The following NMD3 variants were observed in gnomAD, a reference collection of about 807,000 sequenced individuals.
NMD3 encodes NMD3 ribosome export adaptor, also known as 60S ribosomal export protein NMD3.
NMD3 carries 47 observed loss-of-function variants against 73.1 expected under a neutral mutation model. The observed-to-expected ratio is 0.64, with a 90% CI of 0.51 to 0.82. The LOEUF (loss-of-function observed/expected upper bound fraction) is 0.82. Among genes scored for constraint, NMD3 ranks in the 40% least tolerant of loss-of-function variants. The probability of loss-of-function intolerance (pLI) is 0.00; values close to 1 mark genes in which losing one functional copy is unlikely to be tolerated. For synonymous variants in NMD3, 210 were observed against 194.5 expected (o/e 1.08, Z -0.66); for missense variants, 554 against 612.5 (o/e 0.90, Z 1.01).
chr3:161,245,975 C>T lies in NMD3; in HGVS notation c.1018-361C>T, dbSNP rs117774950. Among the ~76,000 whole-genome samples the T allele has an allele frequency of 9.2e-4, 140 of 152,202 alleles. 3 individuals carry two copies. In the East Asian group the frequency reaches 0.026, roughly 28 times the overall value. On this transcript the variant is annotated intron_variant, in intron 11 of 15. Transcript: ENST00000351193. The stretch of plus-strand genomic sequence containing the variant: ...AATACGTTCTTGCTTTAAGATTCCC[C>T]TACCTTTTCAGTTATTTTGTTCACT...
intron 14 of NMD3, among the ~76,000 whole-genome samples, 183 bp from the exon 15 acceptor site, chr3:161,250,073 A>G (rs909494691): frequency 2.0e-5 from 3 of 152,182 alleles, no homozygotes; most frequent in Admixed American, 2.0e-4. Context: ...ATGATTCAAA[A>G]AGTGGCTTTA....
At chr3:161,235,825 A>C (rs1357373559) in intron 7 of NMD3, among the ~76,000 whole-genome samples, 1 of 152,132 alleles carries the variant, frequency 6.6e-6, no homozygotes, top group East Asian at 1.9e-4. Context: ...AATTGAACAA[A>C]TAAAATAAAT....
intron 13 of NMD3, among the ~76,000 whole-genome samples, chr3:161,247,659 C>T (rs1477080464): frequency 6.6e-6 from 1 of 151,494 alleles, no homozygotes; most frequent in East Asian, 1.9e-4. Flanking sequence ...CGTGGTAGTG[C>T]AAGCTTGTAA....
downstream of NMD3, among the ~76,000 whole-genome samples, chr3:161,252,611 C>T (rs1737533559): frequency 6.6e-6 from 1 of 152,254 alleles, no homozygotes; most frequent in Non-Finnish European, 1.5e-5. Flanking sequence ...AGTAAGGTTC[C>T]CATACTCAAG....
chr3:161,225,279 A>T (rs1003878546), intron 3 of NMD3, among the ~76,000 whole-genome samples: 6 of 152,178 alleles, frequency 3.9e-5, no homozygotes, highest in African/African-American at 1.4e-4. Flanking sequence ...GTGTAAATGT[A>T]TTTGAATCTG....
chr3:161,235,235 T>A, intron 7 of NMD3, 23 bp downstream of exon 7: 1 of 1,162,562 alleles, frequency 8.6e-7, no homozygotes, highest in Non-Finnish European at 1.3e-6. Context: ...TCAAAAGCAT[T>A]TGAAATTATG....
Position 161,247,285 on chromosome 3 carries a change from T to C in NMD3, c.1158T>C (p.Asn386=), listed in dbSNP as rs1237648927. 1.8e-5 allele frequency: 29 copies of C among 1,612,046 alleles called. No individual in the cohort carries two copies. Among genetic ancestry groups the C allele is most frequent in the Non-Finnish European group, 2.0e-5 (23 of 1,178,386 alleles). ...TTGATTTGGCCAACTGTAACTTAAA[T>C]GATGAGCATGTCAACAAAATGAACT... The part of the protein sequence containing the change: ...LGFDLANCNL[N]DEHVNKMNSD... Residue 386 remains asparagine (N), a synonymous_variant, in exon 13 of 16, where the codon AAT becomes AAC. Coordinates refer to ENST00000351193, the MANE Select transcript of NMD3 (RefSeq NM_015938.5).
At position 161,238,771 on chromosome 3, in the gene NMD3, G is replaced by A; in HGVS notation, c.698G>A (p.Ser233Asn). 2.5e-6 allele frequency: 4 copies of A among 1,581,194 alleles called. No individual in the cohort carries two copies. Among genetic ancestry groups the A allele is most frequent in the Non-Finnish European group, 3.5e-6 (4 of 1,158,130 alleles). ...SQRLISQDIH[S>N]NTYNYKSTFS... The stretch of plus-strand genomic sequence containing the variant: ...AGACTGATCTCTCAAGATATCCATA[G>A]TAACACATACAATTACAAAAGCACT... Residue 233 changes from serine (S) to asparagine (N), a missense_variant, in exon 9 of 16, where the codon AGT (serine) becomes AAT (asparagine). Coordinates refer to ENST00000351193, the MANE Select transcript of NMD3 (RefSeq NM_015938.5).
chr3:161,236,211 T>C (rs1036506024), intron 7 of NMD3, among the ~76,000 whole-genome samples: 4 of 152,126 alleles, frequency 2.6e-5, no homozygotes, highest in African/African-American at 4.8e-5. Flanking sequence ...TTCTTTTGGG[T>C]ACATACTTAG....
chr3:161,249,451 C>T lies in NMD3; in HGVS notation c.1204-3C>T, dbSNP rs1225035914. On this transcript the variant is annotated splice_polypyrimidine_tract_variant and splice_region_variant and intron_variant, in intron 13 of 15. Transcript: ENST00000351193. Reference sequence around the variant, plus strand: ...TGTAACTTTACAAATATTTATCTTGCAGGTATTAATCAAGAAGAGCTATGA... The same window carrying T: ...TGTAACTTTACAAATATTTATCTTGTAGGTATTAATCAAGAAGAGCTATGA... 3.2e-6 allele frequency: 5 copies of T among 1,570,562 alleles called. No homozygotes were observed. The highest frequency in any genetic ancestry group is 4.3e-6 in the Non-Finnish European group (5 of 1,150,160).
Position 161,250,810 on chromosome 3 carries a change from A to T in NMD3, c.1412A>T (p.Asp471Val). ...GCCATCCCTGTGGAAAGTGACACCG[A>T]TGATGAAGGAGCACCTCGAATTAGT... ...DSAIPVESDT[D>V]DEGAPRISLA... Residue 471 changes from aspartate to valine, a missense_variant, in exon 16 of 16, where the codon GAT (aspartate) becomes GTT (valine). By Grantham distance (152) the Asp-to-Val change is radical (BLOSUM62 -3). Transcript: ENST00000351193. 6.2e-7 allele frequency: 1 copy of T among 1,611,394 alleles called. No homozygotes were observed. The highest frequency in any genetic ancestry group is 8.5e-7 in the Non-Finnish European group (1 of 1,177,832).
At chr3:161,241,306 A>G in intron 10 of NMD3, 143 bp downstream of exon 10, 2 of 535,954 alleles carry the variant, frequency 3.7e-6, no homozygotes, top group South Asian at 2.8e-5. Flanking sequence ...AATACAAAAC[A>G]TTGTGGAATT....
chr3:161,248,160 A>G (rs1489697670), intron 13 of NMD3, among the ~76,000 whole-genome samples: 1 of 151,978 alleles, frequency 6.6e-6, no homozygotes, highest in Non-Finnish European at 1.5e-5. Context: ...TCACATTTTC[A>G]TTCTCGATCA....
At chr3:161,238,011 G>T in intron 7 of NMD3, 102 bp from the exon 8 acceptor site, 2 of 760,770 alleles carry the variant, frequency 2.6e-6, no homozygotes, top group South Asian at 1.9e-5. Context: ...CTAATAATTT[G>T]ATTTTGTTTA....
chr3:161,244,090 G>A (rs1274942707), intron 11 of NMD3, among the ~76,000 whole-genome samples: 1 of 152,104 alleles, frequency 6.6e-6, no homozygotes, highest in Admixed American at 6.6e-5. Flanking sequence ...TTATTAACTA[G>A]GGGTTATGTA....
At position 161,241,047 on chromosome 3, in the gene NMD3, A is replaced by G. The variant is rs1164445985; in HGVS notation, c.755A>G (p.Asp252Gly). ...CTAAATGTTAGTTCTTATGCCTAGG[A>G]TAATGTTGTCTGTCTGTCTCCAAAA... ...FSVEIVPICK[D>G]NVVCLSPKLA... Residue 252 changes from aspartate to glycine, a missense_variant and splice_region_variant, in exon 10 of 16, where the codon GAT becomes GGT. Asp to Gly is a moderately conservative substitution (Grantham distance 94, BLOSUM62 -1). Coordinates refer to ENST00000351193, the MANE Select transcript of NMD3 (RefSeq NM_015938.5). 4 of 1,597,136 alleles carry G rather than the reference A, an allele frequency of 2.5e-6. No individual in the cohort carries two copies. The Admixed American group carries it at 5.0e-5, about 20-fold the overall frequency.
chr3:161,222,465 C>T (rs544840132), intron 2 of NMD3, among the ~76,000 whole-genome samples: 3 of 152,120 alleles, frequency 2.0e-5, no homozygotes, highest in South Asian at 2.1e-4. Flanking sequence ...CTGCCTCAGC[C>T]TCCCGAGTAG....
In NMD3 at chr3:161,251,399, A is replaced by T. The variant is rs1024257405; in HGVS notation, c.*489A>T. On this transcript the variant is annotated 3_prime_UTR_variant, in exon 16 of 16. Transcript: ENST00000351193. ...ATTTTTATGTTGTTGAGGTAGGGAA[A>T]TTAGGGTTCAGTTTATCACTGGACA... 2.0e-5 allele frequency: 3 copies of T among 152,158 alleles called. No homozygotes were observed. The highest frequency in any genetic ancestry group is 7.2e-5 in the African/African-American group (3 of 41,440). The allele number at this position is 152,158 out of a possible 1,614,324, so 9.4% of individuals were successfully genotyped here. A position where few individuals can be genotyped will look rare whatever the true frequency, so the allele number is the denominator to read the frequency against.
At chr3:161,221,942 T>TAAATCCCA (rs1736099271) in intron 1 of NMD3, 52 bp from the exon 2 acceptor site, 3 of 695,900 alleles carry the variant, frequency 4.3e-6, no homozygotes, top group Admixed American at 7.4e-5. Context: ...TAAAGTGATT[T>TAAATCCCA]AAATCCCAAC....
Sources: gnomAD v4.1 joint callset for allele counts (sites outside exome capture counted in the v4.1 genomes callset) on GRCh38, gnomAD v4.1.1 for gene constraint, MANE v1.5 for transcripts, NCBI Gene and HGNC (gene_info 2026-07-23, HGNC 2026-07-21) for gene names.